CNOT1: variants seen among roughly 807,000 people sequenced by gnomAD.
CNOT1 encodes CCR4-NOT transcription complex subunit 1.
CNOT1 carries 15 observed loss-of-function variants against 273.8 expected under a neutral mutation model. The ratio of observed to expected loss-of-function variants is 0.05; its 90% CI spans 0.04 to 0.08. The LOEUF (loss-of-function observed/expected upper bound fraction) is 0.08. CNOT1 is among the 10% of genes least tolerant of loss of function. The pLI is 1.00. For synonymous variants in CNOT1, 1,022 were observed against 1,005.5 expected (o/e 1.02, Z -0.31); for missense variants, 1,644 against 2,912.2 (o/e 0.56, Z 10.02).
intron 1 of CNOT1, among the ~76,000 whole-genome samples, chr16:58,613,949 G>A (rs12929485): frequency 0.087 from 10,392 of 119,510 alleles, 2,943 homozygotes; most frequent in Middle Eastern, 0.13. Flanking sequence ...AAAATTAGCC[G>A]GGCGTGGTGG....
intron 16 of CNOT1, 40 bp from the exon 17 acceptor site, chr16:58,560,402 T>TGA (rs775519414): frequency 3.1e-6 from 5 of 1,604,434 alleles, no homozygotes; most frequent in Admixed American, 1.7e-5. Context: ...TCAGTTCCTA[T>TGA]TCTCTAGCAC....
intron 1 of CNOT1, among the ~76,000 whole-genome samples, chr16:58,627,989 G>A (rs550451208): frequency 2.0e-5 from 3 of 152,112 alleles, no homozygotes; most frequent in African/African-American, 7.2e-5. Context: ...CACCACGCCC[G>A]GCTAATTTTT....
chr16:58,522,108 G>A (rs925311306), intron 47 of CNOT1, among the ~76,000 whole-genome samples: 5 of 149,124 alleles, frequency 3.4e-5, no homozygotes, highest in African/African-American at 7.4e-5. Context: ...TCACGAGGTC[G>A]GGAGTTCAAG....
chr16:58,583,640 C>G (rs2041728987), intron 8 of CNOT1, among the ~76,000 whole-genome samples: 1 of 152,076 alleles, frequency 6.6e-6, no homozygotes, highest in African/African-American at 2.4e-5. Flanking sequence ...TCTTGGCTCA[C>G]TGCAACCTCT....
At chr16:58,619,366 T>C (rs969756425) in intron 1 of CNOT1, among the ~76,000 whole-genome samples, 1 of 152,190 alleles carries the variant, frequency 6.6e-6, no homozygotes, top group Admixed American at 6.6e-5. Context: ...AAATTTATTA[T>C]TATTACACTG....
chr16:58,554,714 T>C (rs1373720495), intron 21 of CNOT1, among the ~76,000 whole-genome samples: 1 of 151,942 alleles, frequency 6.6e-6, no homozygotes, highest in African/African-American at 2.4e-5. Context: ...GGTGGGTGGA[T>C]CACCCGAGGT....
At position 58,538,899 on chromosome 16, in the gene CNOT1, G is replaced by A. The variant is rs1391747576; in HGVS notation, c.5008C>T (p.Leu1670=). The change falls in exon 36 of 49, where the codon CTA becomes TTA. Residue 1670 remains leucine, a synonymous_variant. Transcript: ENST00000317147. ...GLLQKAVEGL[L]DATSGADADL... ...GCATCAGCACCACTTGTGGCATCTA[G>A]TAAGCCCTCTACAGCCTATGGGAGA... 2.5e-6 allele frequency: 4 copies of A among 1,609,436 alleles called. No individual in the cohort carries two copies. The highest frequency in any genetic ancestry group is 1.7e-5 in the Admixed American group (1 of 59,182).
chr16:58,543,440 C>T, intron 31 of CNOT1, 167 bp downstream of exon 31: 2 of 1,491,168 alleles, frequency 1.3e-6, no homozygotes, highest in Non-Finnish European at 1.8e-6. Context: ...AGACATGATG[C>T]TTTGCCTCAC....
chr16:58,543,905 TG>T lies in CNOT1; in HGVS notation c.4138-3del. On this transcript the variant is annotated splice_polypyrimidine_tract_variant and splice_region_variant and intron_variant, in intron 30 of 48. Coordinates refer to ENST00000317147, the MANE Select transcript of CNOT1 (RefSeq NM_016284.5). The stretch of plus-strand genomic sequence containing the variant: ...TGGATGGGCCTGAAACAAGGGAATC[TG>T]GGGGGTTGGGGAGGACAAAGTCAAC... 3.8e-6 allele frequency: 6 copies of T among 1,593,538 alleles called. No individual in the cohort carries two copies. The highest frequency in any genetic ancestry group is 2.2e-5 in the South Asian group (2 of 88,970).
chr16:58,530,919 G>C (rs2039761230), intron 42 of CNOT1, among the ~76,000 whole-genome samples: 1 of 152,160 alleles, frequency 6.6e-6, no homozygotes, highest in Non-Finnish European at 1.5e-5. Flanking sequence ...TGGTCCCTGT[G>C]TACCTGTAGC....
chr16:58,574,641 C>T lies in CNOT1; in HGVS notation c.1947G>A (p.Ala649=), dbSNP rs772275643. The part of the protein sequence containing the change: ...KSAQLPPETL[A]TMLACLQACA... The stretch of plus-strand genomic sequence containing the variant: ...AAGCTTGCAGACAGGCCAACATTGT[C>T]GCCAAAGTTTCTGGAGGAAGTTGAG... Residue 649 remains alanine (A), a synonymous_variant, in exon 16 of 49, where the codon GCG becomes GCA. Coordinates refer to ENST00000317147, the MANE Select transcript of CNOT1 (RefSeq NM_016284.5). 1.2e-5 allele frequency: 19 copies of T among 1,600,664 alleles called. No homozygotes were observed. Among genetic ancestry groups the T allele is most frequent in the Admixed American group, 1.9e-5 (1 of 54,002 alleles).
chr16:58,571,506 G>A (rs2041273697), intron 16 of CNOT1, among the ~76,000 whole-genome samples: 1 of 152,100 alleles, frequency 6.6e-6, no homozygotes, highest in Non-Finnish European at 1.5e-5. Context: ...GTTGCAGTGA[G>A]ACAAGACAGT....
At chr16:58,545,174 C>G (rs767040940) in intron 30 of CNOT1, among the ~76,000 whole-genome samples, 187 bp downstream of exon 30, 1 of 152,212 alleles carries the variant, frequency 6.6e-6, no homozygotes, top group Non-Finnish European at 1.5e-5. Flanking sequence ...TCTAGTCACT[C>G]TATCTCTTAA....
chr16:58,610,666 A>G (rs1251934366), intron 1 of CNOT1, among the ~76,000 whole-genome samples: 2 of 152,152 alleles, frequency 1.3e-5, no homozygotes, highest in Non-Finnish European at 2.9e-5. Flanking sequence ...ACACAGTGAA[A>G]CCCTGTCTTT....
intron 42 of CNOT1, among the ~76,000 whole-genome samples, chr16:58,531,686 G>T (rs1391255659): frequency 6.9e-6 from 1 of 145,048 alleles, no homozygotes; most frequent in Non-Finnish European, 1.5e-5. Context: ...CATTTTAAAA[G>T]AAAGAAAGGA....
chr16:58,591,388 A>G (rs1254665380), intron 2 of CNOT1, among the ~76,000 whole-genome samples: 1 of 152,176 alleles, frequency 6.6e-6, no homozygotes, highest in Non-Finnish European at 1.5e-5. Context: ...TGTAACTCTT[A>G]ATTTTTTTCC....
At chr16:58,534,481 T>G (rs1011326185) in intron 39 of CNOT1, 86 bp from the exon 40 acceptor site, 4 of 1,398,544 alleles carry the variant, frequency 2.9e-6, no homozygotes, top group Non-Finnish European at 3.9e-6. Context: ...GCTTAAGAGA[T>G]ATTCTCATTT....
chr16:58,522,932 CAT>C (rs1283062283), intron 47 of CNOT1: 1 of 153,044 alleles, frequency 6.5e-6, no homozygotes, highest in Non-Finnish European at 1.5e-5. Flanking sequence ...ACATTTAACA[CAT>C]TATTGGACAT....
intron 31 of CNOT1, 114 bp downstream of exon 31, chr16:58,543,493 G>A (rs2040161601): frequency 1.3e-6 from 2 of 1,542,526 alleles, no homozygotes. Flanking sequence ...AACAAATATG[G>A]TGATTATTAA....
Sources: allele counts gnomAD v4.1 joint callset (sites outside exome capture counted in the v4.1 genomes callset), GRCh38; gene constraint gnomAD v4.1.1; transcripts MANE v1.5; gene names NCBI Gene and HGNC (gene_info 2026-07-23, HGNC 2026-07-21).